The following KNSTRN variants were observed in gnomAD, a reference collection of about 807,000 sequenced individuals.
KNSTRN encodes small kinetochore-associated protein.
A neutral mutation model predicts 44.7 loss-of-function variants in KNSTRN; 38 were observed. The ratio of observed to expected loss-of-function variants is 0.85; its 90% CI spans 0.66 to 1.11. KNSTRN has a LOEUF of 1.11. Among genes scored for constraint, KNSTRN ranks in the 50% most tolerant of loss-of-function variants. The pLI is 0.00. For missense variants in KNSTRN, 406 were observed against 375.8 expected (o/e 1.08, Z -0.66); for synonymous variants, 158 against 148.1 (o/e 1.07, Z -0.48).
intron 4 of KNSTRN, 104 bp downstream of exon 4, chr15:40,387,310 G>A (rs1889919918): frequency 1.0e-6 from 1 of 990,294 alleles, no homozygotes; most frequent in South Asian, 1.3e-5. Context: ...CTGTGTTAGG[G>A]TCTGGGTTCC....
At position 40,382,826 on chromosome 15, in the gene KNSTRN, T is replaced by A; in HGVS notation, c.-10T>A. On this transcript the variant is annotated 5_prime_UTR_variant, in exon 1 of 9. Coordinates refer to ENST00000249776, the MANE Select transcript of KNSTRN (RefSeq NM_033286.4). ...CTGGCTCTGGCCTCTGAGCGAACCTTCCGTACAGTATGGCGGCTCCCGAAG... is the reference window on the plus strand; with the variant it reads ...CTGGCTCTGGCCTCTGAGCGAACCTACCGTACAGTATGGCGGCTCCCGAAG... The A allele has an allele frequency of 6.2e-7, 1 of 1,610,034 alleles. No homozygotes were observed. The highest frequency in any genetic ancestry group is 1.3e-5 in the African/African-American group (1 of 74,922).
Position 40,389,711 on chromosome 15 carries a change from G to A in KNSTRN, c.591+100G>A, listed in dbSNP as rs534211234. On this transcript the variant is annotated intron_variant, in intron 5 of 8. Coordinates refer to ENST00000249776, the MANE Select transcript of KNSTRN (RefSeq NM_033286.4). ...GGATGAGCAAGCTTGTTAATGCACAGATGCCCAAGGGCAGAAAAAAAAAGC... is the reference window on the plus strand; with the variant it reads ...GGATGAGCAAGCTTGTTAATGCACAAATGCCCAAGGGCAGAAAAAAAAAGC... 3.1e-6 allele frequency: 4 copies of A among 1,294,018 alleles called. No homozygotes were observed. The Admixed American group carries it at 5.5e-5, about 18-fold the overall frequency. 80.2% of individuals were successfully genotyped at this position (1,294,018 alleles called of 1,614,324 possible).
rs1037455767 is a variant in KNSTRN at position 40,394,237 on chromosome 15, C to A, written c.*640C>A. The A allele has an allele frequency of 6.6e-6, 1 of 152,178 alleles. No homozygotes were observed. Among genetic ancestry groups the A allele is most frequent in the African/African-American group, 2.4e-5 (1 of 41,426 alleles). 9.4% of individuals were successfully genotyped at this position (152,178 alleles called of 1,614,324 possible). A position where few individuals can be genotyped will look rare whatever the true frequency, so the allele number is the denominator to read the frequency against. On this transcript the variant is annotated 3_prime_UTR_variant, in exon 9 of 9. Coordinates refer to ENST00000249776, the MANE Select transcript of KNSTRN (RefSeq NM_033286.4). Reference sequence around the variant, plus strand: ...AAGTCTACTTTTAAAATAAATACTTCTGTAAATATTCTGACTGTAACATTG... The same window carrying A: ...AAGTCTACTTTTAAAATAAATACTTATGTAAATATTCTGACTGTAACATTG...
At position 40,386,476 on chromosome 15, in the gene KNSTRN, A is replaced by T; in HGVS notation, c.419A>T (p.Lys140Ile). 2 of 1,614,110 alleles carry T rather than the reference A, an allele frequency of 1.2e-6. No homozygotes were observed. Among genetic ancestry groups the T allele is most frequent in the Non-Finnish European group, 1.7e-6 (2 of 1,179,986 alleles). ...GAGAATGATGTTACAAAAATCACCAAACTGAGACGAGAGAATGGGTGAGAA... is the reference window on the plus strand; with the variant it reads ...GAGAATGATGTTACAAAAATCACCATACTGAGACGAGAGAATGGGTGAGAA... ...GPENDVTKITKLRRENGQMKA... is the reference protein window; with the variant it reads ...GPENDVTKITILRRENGQMKA... The change falls in exon 3 of 9, where the codon AAA becomes ATA. Residue 140 changes from lysine (K) to isoleucine (I), a missense_variant. Transcript: ENST00000249776.
At chr15:40,389,442 C>T in intron 4 of KNSTRN, 64 bp from the exon 5 acceptor site, 2 of 1,230,850 alleles carry the variant, frequency 1.6e-6, no homozygotes, top group Non-Finnish European at 2.4e-6. Context: ...TGAGCTACCG[C>T]ACCTGGTGTG....
At chr15:40,391,286 C>G (rs903035037) in intron 6 of KNSTRN, among the ~76,000 whole-genome samples, 2 of 152,098 alleles carry the variant, frequency 1.3e-5, no homozygotes, top group East Asian at 3.9e-4. Context: ...ATATCAAAAC[C>G]TAGATTGAAA....
rs2141270534 is a variant in KNSTRN at position 40,382,842 on chromosome 15, G to A, written c.7G>A (p.Ala3Thr). The A allele has an allele frequency of 1.9e-6, 3 of 1,609,374 alleles. No homozygotes were observed. Among genetic ancestry groups the A allele is most frequent in the Non-Finnish European group, 2.5e-6 (3 of 1,178,910 alleles). MAAPEAPPLDRVF... is the reference protein window; with the variant it reads MATPEAPPLDRVF... ...AGCGAACCTTCCGTACAGTATGGCG[G>A]CTCCCGAAGCCCCGCCCCTGGACAG... Residue 3 changes from alanine to threonine, a missense_variant, in exon 1 of 9, where the codon GCT (alanine) becomes ACT (threonine). Transcript: ENST00000249776.
At chr15:40,392,746 G>A (rs1020254839) in intron 8 of KNSTRN, among the ~76,000 whole-genome samples, 9 of 152,094 alleles carry the variant, frequency 5.9e-5, no homozygotes, top group African/African-American at 2.2e-4. Flanking sequence ...AAGTAGCTGG[G>A]ATTACAGGCA....
intron 8 of KNSTRN, 149 bp downstream of exon 8, chr15:40,392,172 C>A: frequency 1.7e-6 from 1 of 579,632 alleles, no homozygotes; most frequent in Non-Finnish European, 2.8e-6. Context: ...GAAAATTTAC[C>A]CTGATAGTAA....
Position 40,391,942 on chromosome 15 carries a change from C to G in KNSTRN, c.748-7C>G. The G allele has an allele frequency of 6.2e-7, 1 of 1,602,770 alleles. No individual in the cohort carries two copies. The highest frequency in any genetic ancestry group is 1.7e-4 in the Middle Eastern group (1 of 6,014). On this transcript the variant is annotated splice_polypyrimidine_tract_variant and splice_region_variant and intron_variant, in intron 7 of 8. Transcript: ENST00000249776. ...GATTTGTTTACTACATTGTGCTTTC[C>G]TCTTAGTTGCTGTTAGAAACTTTGC...
chr15:40,393,413 G>A, intron 8 of KNSTRN, 56 bp from the exon 9 acceptor site: 1 of 1,598,950 alleles, frequency 6.3e-7, no homozygotes, highest in Non-Finnish European at 8.5e-7. Context: ...TGTGTTTCCT[G>A]TTAGTCAAGA....
intron 1 of KNSTRN, 62 bp from the exon 2 acceptor site, chr15:40,383,166 G>A: frequency 6.3e-7 from 1 of 1,583,278 alleles, no homozygotes; most frequent in East Asian, 2.2e-5. Flanking sequence ...CTATCCCCGG[G>A]CCCTCCACTC....
intron 7 of KNSTRN, 72 bp from the exon 8 acceptor site, chr15:40,391,877 A>T (rs1890003771): frequency 8.6e-7 from 1 of 1,159,280 alleles, no homozygotes; most frequent in Non-Finnish European, 1.3e-6. Context: ...TGTGGAAAGG[A>T]TGTTAGCCAT....
intron 3 of KNSTRN, 152 bp from the exon 4 acceptor site, chr15:40,387,007 A>C (rs543222089): frequency 1.5e-6 from 1 of 677,034 alleles, no homozygotes; most frequent in African/African-American, 1.8e-5. Context: ...CGAAGCAGTA[A>C]TGCATAGTCT....
intron 8 of KNSTRN, among the ~76,000 whole-genome samples, 163 bp downstream of exon 8, chr15:40,392,186 G>GTTT (rs10681422): frequency 0.089 from 13,185 of 148,958 alleles, 786 homozygotes; most frequent in Non-Finnish European, 0.13. Context: ...ATAGTAACGT[G>GTTT]TTTTTTTTTT....
Position 40,382,887 on chromosome 15 carries a change from C to T in KNSTRN, c.52C>T (p.Leu18=), listed in dbSNP as rs2141270698. The T allele has an allele frequency of 6.2e-7, 1 of 1,612,314 alleles. No homozygotes were observed. Among genetic ancestry groups the T allele is most frequent in the Non-Finnish European group, 8.5e-7 (1 of 1,180,030 alleles). ...GGACAGAGTTTTCCGTACAACATGG[C>T]TGTCTACAGAGTGCGATTCCCACCC... The part of the protein sequence containing the change: ...PLDRVFRTTW[L]STECDSHPLP... The change falls in exon 1 of 9, where the codon CTG becomes TTG. Residue 18 remains leucine, a synonymous_variant. Transcript: ENST00000249776.
chr15:40,393,049 C>A, intron 8 of KNSTRN: 1 of 678,784 alleles, frequency 1.5e-6, no homozygotes, highest in South Asian at 2.5e-5. Context: ...ATGTTCACAT[C>A]ACCAAGGCAT....
Position 40,382,812 on chromosome 15 carries a change from C to A in KNSTRN, c.-24C>A. ...ACCTTTCGCTAGGTCTGGCTCTGGC[C>A]TCTGAGCGAACCTTCCGTACAGTAT... On this transcript the variant is annotated 5_prime_UTR_variant, in exon 1 of 9. Coordinates refer to ENST00000249776, the MANE Select transcript of KNSTRN (RefSeq NM_033286.4). 2 of 1,603,394 alleles carry A rather than the reference C, an allele frequency of 1.2e-6. No individual in the cohort carries two copies. The highest frequency in any genetic ancestry group is 1.7e-6 in the Non-Finnish European group (2 of 1,175,380).
chr15:40,384,097 G>A (rs1461271513), intron 2 of KNSTRN: 1 of 186,810 alleles, frequency 5.4e-6, no homozygotes, highest in Non-Finnish European at 1.1e-5. Flanking sequence ...GAAGTGGCCA[G>A]GCACGGTGGC....
Sources: gnomAD v4.1 joint callset for allele counts (sites outside exome capture counted in the v4.1 genomes callset) on GRCh38, gnomAD v4.1.1 for gene constraint, MANE v1.5 for transcripts, NCBI Gene and HGNC (gene_info 2026-07-23, HGNC 2026-07-21) for gene names.